The following FOXK2 variants were observed in gnomAD, a reference collection of about 807,000 sequenced individuals.
FOXK2 encodes the protein forkhead box protein K2.
Under a neutral mutation model 53.3 loss-of-function variants are expected in FOXK2, and 24 were observed. The ratio of observed to expected loss-of-function variants is 0.45; its 90% CI spans 0.33 to 0.63. FOXK2 has a LOEUF of 0.63. Ranked by LOEUF, FOXK2 falls within the 30% of genes least tolerant of loss-of-function variation. The pLI is 0.03. For missense variants in FOXK2, 952 were observed against 910.5 expected (o/e 1.05, Z -0.59); for synonymous variants, 505 against 407.1 (o/e 1.24, Z -2.89).
chr17:82,538,593 A>G (rs1033843877), intron 1 of FOXK2, among the ~76,000 whole-genome samples: 1 of 152,258 alleles, frequency 6.6e-6, no homozygotes, highest in East Asian at 1.9e-4. Flanking sequence ...TGGTGGACAC[A>G]GTCCCCACAG....
intron 1 of FOXK2, among the ~76,000 whole-genome samples, chr17:82,520,569 TGC>T (rs1422119185): frequency 2.0e-5 from 3 of 152,176 alleles, no homozygotes; most frequent in African/African-American, 4.8e-5. Context: ...TGCGGGCGGC[TGC>T]GCGCGCGGGT....
At chr17:82,544,625 G>T (rs767182145) in intron 1 of FOXK2, among the ~76,000 whole-genome samples, 2 of 152,200 alleles carry the variant, frequency 1.3e-5, no homozygotes, top group Non-Finnish European at 1.5e-5. Context: ...GGTATAATTA[G>T]TTCTTTCTCA....
At chr17:82,578,232 C>T (rs961880628) in intron 4 of FOXK2, 6 of 152,290 alleles carry the variant, frequency 3.9e-5, no homozygotes, top group African/African-American at 7.2e-5. Flanking sequence ...ACAGACAAAC[C>T]GTCCTTGAGA....
intron 6 of FOXK2, among the ~76,000 whole-genome samples, chr17:82,585,021 G>A (rs1420183335): frequency 6.6e-6 from 1 of 152,200 alleles, no homozygotes; most frequent in Non-Finnish European, 1.5e-5. Context: ...GGGATTCCTG[G>A]CCCTGCCGGG....
intron 4 of FOXK2, among the ~76,000 whole-genome samples, chr17:82,573,362 T>C (rs2044940840): frequency 6.6e-6 from 1 of 152,094 alleles, no homozygotes; most frequent in Non-Finnish European, 1.5e-5. Flanking sequence ...CCTGCCTTCC[T>C]GTCTACAGCA....
chr17:82,594,070 A>G (rs2045284066), intron 8 of FOXK2: 1 of 151,602 alleles, frequency 6.6e-6, no homozygotes, highest in Non-Finnish European at 1.5e-5. Context: ...CTCTGTCCAC[A>G]GTATAGGGTC....
At chr17:82,592,288 C>T (rs553636596) in intron 8 of FOXK2, among the ~76,000 whole-genome samples, 1 of 152,392 alleles carries the variant, frequency 6.6e-6, no homozygotes, top group Admixed American at 6.5e-5. Context: ...CTGGGCTGAG[C>T]TGCGGTCCTG....
chr17:82,552,540 G>A (rs1258948779), intron 1 of FOXK2, among the ~76,000 whole-genome samples: 1 of 152,002 alleles, frequency 6.6e-6, no homozygotes, highest in Non-Finnish European at 1.5e-5. Context: ...GCCATCCTCA[G>A]CCTTTGTCTT....
At chr17:82,579,867 A>T (rs1171366526) in intron 4 of FOXK2, among the ~76,000 whole-genome samples, 1 of 121,770 alleles carries the variant, frequency 8.2e-6, no homozygotes, top group East Asian at 2.6e-4. Flanking sequence ...CACATGGCCT[A>T]GCCCACCTCT....
intron 8 of FOXK2, chr17:82,595,913 G>C: frequency 7.9e-7 from 1 of 1,273,514 alleles, no homozygotes; most frequent in Non-Finnish European, 1.0e-6. Flanking sequence ...CGGCAGCCCG[G>C]AACCTGGGAT....
chr17:82,573,962 C>G (rs1020029789), intron 4 of FOXK2, among the ~76,000 whole-genome samples: 1 of 152,220 alleles, frequency 6.6e-6, no homozygotes, highest in African/African-American at 2.4e-5. Context: ...TTTTGGGGAG[C>G]AGAGCCCTTG....
intron 1 of FOXK2, among the ~76,000 whole-genome samples, chr17:82,538,162 G>T (rs2044539206): frequency 6.6e-6 from 1 of 151,824 alleles, no homozygotes; most frequent in Non-Finnish European, 1.5e-5. Context: ...GGCAGAGGTT[G>T]CAGTGAGCCG....
At chr17:82,596,550 G>GTGCCCTCGTCACGCCCCGGGACCGC (rs1322697735) in intron 8 of FOXK2, among the ~76,000 whole-genome samples, 32 of 14,974 alleles carry the variant, frequency 2.1e-3, no homozygotes, top group South Asian at 7.5e-3. Context: ...ACTTTCTGCG[G>GTGCCCTCGTCACGCCCCGGGACCGC]GCAGTCTGTG....
intron 1 of FOXK2, among the ~76,000 whole-genome samples, chr17:82,549,171 G>A (rs2044653446): frequency 6.6e-6 from 1 of 152,208 alleles, no homozygotes; most frequent in Non-Finnish European, 1.5e-5. Context: ...TCTGGGTGTG[G>A]CCCTTGCCTG....
intron 1 of FOXK2, among the ~76,000 whole-genome samples, chr17:82,526,682 T>A (rs1017375536): frequency 1.3e-5 from 2 of 152,004 alleles, no homozygotes; most frequent in Non-Finnish European, 2.9e-5. Flanking sequence ...TACAAAAAAT[T>A]AGCTGGGCAT....
At chr17:82,598,176 T>C (rs1007193586) in intron 8 of FOXK2, among the ~76,000 whole-genome samples, 2 of 152,256 alleles carry the variant, frequency 1.3e-5, no homozygotes, top group African/African-American at 4.8e-5. Flanking sequence ...AACTTATTCC[T>C]TCTGTCTAGC....
intron 1 of FOXK2, among the ~76,000 whole-genome samples, chr17:82,546,242 G>C (rs562103831): frequency 2.0e-5 from 3 of 148,516 alleles, no homozygotes; most frequent in East Asian, 4.1e-4. Flanking sequence ...TCAGCCTCTT[G>C]AGGAGCTGGG....
intron 1 of FOXK2, among the ~76,000 whole-genome samples, chr17:82,532,110 A>G (rs1045325458): frequency 4.6e-5 from 7 of 151,212 alleles, no homozygotes; most frequent in African/African-American, 1.7e-4. Context: ...TGGCCTCCCT[A>G]AGTGCTAGGA....
At chr17:82,586,499 C>G (rs2045166352) in intron 7 of FOXK2, among the ~76,000 whole-genome samples, 1 of 13,830 alleles carries the variant, frequency 7.2e-5, no homozygotes, top group Non-Finnish European at 1.7e-4. Flanking sequence ...CAAAGGTGGG[C>G]CGGGGGGGAA....
Sources: allele counts gnomAD v4.1 joint callset (sites outside exome capture counted in the v4.1 genomes callset), GRCh38; gene constraint gnomAD v4.1.1; transcripts MANE v1.5; gene names NCBI Gene and HGNC (gene_info 2026-07-23, HGNC 2026-07-21).